Variants in VMA21 observed in about 807,000 individuals in gnomAD.
VMA21 encodes vacuolar ATPase assembly integral membrane protein VMA21.
For missense variants in VMA21, 61 were observed against 80.6 expected, an observed-to-expected ratio of 0.76 and a Z score of 0.93; for synonymous variants, 47 against 34.1, an observed-to-expected ratio of 1.38 and a Z score of -1.32.
At chrX:151,401,624 T>A (rs1343039308) in intron 1 of VMA21, among the ~76,000 whole-genome samples, 1 of 112,372 alleles carries the variant, frequency 8.9e-6, no homozygotes, top group Non-Finnish European at 1.9e-5. Flanking sequence ...TCAACAGTAT[T>A]AATTCTTCCA....
intron 1 of VMA21, among the ~76,000 whole-genome samples, chrX:151,402,142 A>G (rs1447772638): frequency 9.0e-6 from 1 of 111,725 alleles, no homozygotes; most frequent in African/African-American, 3.3e-5. Context: ...CTTTTTCTGC[A>G]TCAACTGAGA....
upstream of VMA21, chrX:151,397,033 G>A (rs753376606): frequency 2.6e-5 from 13 of 500,328 alleles, no homozygotes; most frequent in Non-Finnish European, 4.0e-5. Context: ...CTCCTGGCAG[G>A]GCGCACGCCG....
Position 151,397,263 on chromosome X carries a change from C to A in VMA21, c.-46C>A, listed in dbSNP as rs749578427. On this transcript the variant is annotated 5_prime_UTR_variant, in exon 1 of 3. Coordinates refer to ENST00000330374, the MANE Select transcript of VMA21 (RefSeq NM_001017980.4). ...CGCGGAGCTTACTGAGCGCGGCCGC[C>A]GAGCCCAGCTCCGCCGCCGAGCGCC... is the stretch of plus-strand genomic sequence containing the variant. 3 of 1,145,525 alleles carry A rather than the reference C, an allele frequency of 2.6e-6. No individual in the cohort carries two copies. Among genetic ancestry groups the A allele is most frequent in the Non-Finnish European group, 2.3e-6 (2 of 864,136 alleles). The allele number at this position is 1,145,525 out of a possible 1,213,427, so 94.4% of individuals were successfully genotyped here. A position where few individuals can be genotyped will look rare whatever the true frequency, so the allele number is the denominator to read the frequency against.
intron 1 of VMA21, among the ~76,000 whole-genome samples, chrX:151,397,655 C>T (rs897326532): frequency 8.9e-6 from 1 of 112,857 alleles, no homozygotes; most frequent in Non-Finnish European, 1.9e-5. Context: ...TCTTTCATTA[C>T]CGCAGGGTCA....
chrX:151,402,715 C>T (rs1193750441), intron 1 of VMA21, among the ~76,000 whole-genome samples: 1 of 112,943 alleles, frequency 8.9e-6, no homozygotes, highest in African/African-American at 3.2e-5. Context: ...CTGCCTACCT[C>T]CTTCAGTGGT....
Position 151,397,291 on chromosome X carries a change from T to G in VMA21, c.-18T>G, listed in dbSNP as rs2011200650. Reference sequence around the variant, plus strand: ...GCCCAGCTCCGCCGCCGAGCGCCTGTGCCGGCACGGCTACACCATGGAGCG... The same window carrying G: ...GCCCAGCTCCGCCGCCGAGCGCCTGGGCCGGCACGGCTACACCATGGAGCG... On this transcript the variant is annotated 5_prime_UTR_variant, in exon 1 of 3. Coordinates refer to ENST00000330374, the MANE Select transcript of VMA21 (RefSeq NM_001017980.4). 8.6e-7 allele frequency: 1 copy of G among 1,156,824 alleles called. No individual in the cohort carries two copies. The highest frequency in any genetic ancestry group is 1.8e-5 in the African/African-American group (1 of 56,333).
Position 151,405,508 on chromosome X carries a change from G to A in VMA21, c.*450G>A, listed in dbSNP as rs779324775. 1 of 119,648 alleles carries A rather than the reference G, an allele frequency of 8.4e-6. No homozygotes were observed. The highest frequency in any genetic ancestry group is 2.6e-4 in the East Asian group (1 of 3,832). The allele number at this position is 119,648 out of a possible 1,213,427, so 9.9% of individuals were successfully genotyped here. The stretch of plus-strand genomic sequence containing the variant: ...TTGGGATTTTAATTTCCTATGGAAA[G>A]TTGCTTAAATTGTGGACACTGGAAT... On this transcript the variant is annotated 3_prime_UTR_variant, in exon 3 of 3. Coordinates refer to ENST00000330374, the MANE Select transcript of VMA21 (RefSeq NM_001017980.4).
At chrX:151,402,328 C>T (rs931572832) in intron 1 of VMA21, among the ~76,000 whole-genome samples, 16 of 111,567 alleles carry the variant, frequency 1.4e-4, no homozygotes, top group African/African-American at 4.9e-4. Context: ...ACTATAGGCA[C>T]ACGCCACCAC....
chrX:151,404,954 G>T lies in VMA21; in HGVS notation c.202G>T (p.Ala68Ser), dbSNP rs778349414. The T allele has an allele frequency of 4.1e-6, 5 of 1,209,400 alleles. No homozygotes were observed. In the Admixed American group the frequency reaches 8.7e-5, roughly 21 times the overall value. The change falls in exon 3 of 3, where the codon GCT becomes TCT. Residue 68 changes from alanine to serine, a missense_variant. Ala to Ser is a moderately conservative substitution (Grantham distance 99). Coordinates refer to ENST00000330374, the MANE Select transcript of VMA21 (RefSeq NM_001017980.4). Reference protein sequence around the residue: ...GMSNRDSYFYAAIVAVVAVHV... With the variant: ...GMSNRDSYFYSAIVAVVAVHV... Reference sequence around the variant, plus strand: ...GTCCAATAGGGACAGCTATTTTTACGCTGCTATTGTTGCAGTGGTCGCCGT... The same window carrying T: ...GTCCAATAGGGACAGCTATTTTTACTCTGCTATTGTTGCAGTGGTCGCCGT...
At chrX:151,401,107 G>A (rs770505840) in intron 1 of VMA21, among the ~76,000 whole-genome samples, 1 of 112,019 alleles carries the variant, frequency 8.9e-6, no homozygotes, top group African/African-American at 3.2e-5. Context: ...AATCATTACT[G>A]AGGCCAATGT....
At position 151,407,859 on chromosome X, in the gene VMA21, C is replaced by T. The variant is rs1457047932; in HGVS notation, c.*2801C>T. The T allele has an allele frequency of 9.0e-6, 1 of 111,167 alleles. No individual in the cohort carries two copies. Among genetic ancestry groups the T allele is most frequent in the Non-Finnish European group, 1.9e-5 (1 of 52,993 alleles). 9.2% of individuals were successfully genotyped at this position (111,167 alleles called of 1,213,427 possible). ...GTTTCATGGAAATCTAACAGAAATA[C>T]ATTGTAATAATTAGAACATTTTGTT... On this transcript the variant is annotated 3_prime_UTR_variant, in exon 3 of 3. Transcript: ENST00000330374.
intron 1 of VMA21, among the ~76,000 whole-genome samples, chrX:151,401,170 GT>G (rs1227092079): frequency 9.0e-6 from 1 of 111,666 alleles, no homozygotes; most frequent in Non-Finnish European, 1.9e-5. Flanking sequence ...ATATCTTTAT[GT>G]TTTAGTTATT....
Position 151,409,175 on chromosome X carries a change from T to G in VMA21, c.*4117T>G, listed in dbSNP as rs1012946462. The G allele has an allele frequency of 8.9e-6, 1 of 112,488 alleles. No individual in the cohort carries two copies. Among genetic ancestry groups the G allele is most frequent in the South Asian group, 3.7e-4 (1 of 2,675 alleles). 9.3% of individuals were successfully genotyped at this position (112,488 alleles called of 1,213,427 possible). A position where few individuals can be genotyped will look rare whatever the true frequency, so the allele number is the denominator to read the frequency against. On this transcript the variant is annotated 3_prime_UTR_variant, in exon 3 of 3. Coordinates refer to ENST00000330374, the MANE Select transcript of VMA21 (RefSeq NM_001017980.4). The stretch of plus-strand genomic sequence containing the variant: ...GACTAGGGGGAGGATTTGGATGTGC[T>G]GCATTTCAAGCCGTGTATAATCATC...
rs975957830 is a variant in VMA21 at position 151,405,460 on chromosome X, A to G, written c.*402A>G. The G allele has an allele frequency of 8.0e-6, 1 of 124,516 alleles. No homozygotes were observed. The highest frequency in any genetic ancestry group is 1.7e-5 in the Non-Finnish European group (1 of 60,502). The allele number at this position is 124,516 out of a possible 1,213,427, so 10.3% of individuals were successfully genotyped here. A position where few individuals can be genotyped will look rare whatever the true frequency, so the allele number is the denominator to read the frequency against. ...TTTACGCTGGAATGCTTTCTTTAGC[A>G]TGAAAATACCAGGTCCTTGGATTTG... On this transcript the variant is annotated 3_prime_UTR_variant, in exon 3 of 3. Coordinates refer to ENST00000330374, the MANE Select transcript of VMA21 (RefSeq NM_001017980.4).
rs2011278859 is a variant in VMA21 at position 151,405,289 on chromosome X, T to C, written c.*231T>C. The C allele has an allele frequency of 2.8e-6, 1 of 363,195 alleles. No homozygotes were observed. The highest frequency in any genetic ancestry group is 4.8e-6 in the Non-Finnish European group (1 of 210,283). The allele number at this position is 363,195 out of a possible 1,213,427, so 29.9% of individuals were successfully genotyped here. On this transcript the variant is annotated 3_prime_UTR_variant, in exon 3 of 3. Transcript: ENST00000330374. ...TGGAAAAGTTAGTTACAAAGAAATA[T>C]GTTAATTTAATTAGACAATACTCTG...
In VMA21 at chrX:151,403,697, T is replaced by G. The variant is rs752218271; in HGVS notation, c.120T>G (p.Val40=). The change falls in exon 2 of 3, where the codon GTT becomes GTG. Residue 40 remains valine, a synonymous_variant. Transcript: ENST00000330374. ...LLFFTALMIT[V]PIGLYFTTKS... Reference sequence around the variant, plus strand: ...TCTTCACAGCTTTAATGATCACTGTTCCTATTGGGTTATATTTCACAACTA... The same window carrying G: ...TCTTCACAGCTTTAATGATCACTGTGCCTATTGGGTTATATTTCACAACTA... 8.3e-7 allele frequency: 1 copy of G among 1,209,068 alleles called. No individual in the cohort carries two copies. The highest frequency in any genetic ancestry group is 1.1e-6 in the Non-Finnish European group (1 of 892,956).
At chrX:151,400,335 A>G (rs1426157208) in intron 1 of VMA21, among the ~76,000 whole-genome samples, 2 of 52,505 alleles carry the variant, frequency 3.8e-5, no homozygotes, top group Non-Finnish European at 7.0e-5. Context: ...CGTTTGGCTT[A>G]TTTTACTTAA....
At chrX:151,402,116 G>A (rs867106198) in intron 1 of VMA21, among the ~76,000 whole-genome samples, 7 of 111,392 alleles carry the variant, frequency 6.3e-5, no homozygotes, top group Admixed American at 3.8e-4. Context: ...TAAAGGATGC[G>A]GAAGTTTGTC....
upstream of VMA21, chrX:151,396,897 T>C (rs761184084): frequency 3.8e-6 from 2 of 523,596 alleles, no homozygotes; most frequent in South Asian, 4.9e-5. Context: ...CGAGGACCAG[T>C]GTTCACGCGA....
Sources: gnomAD v4.1 joint callset for allele counts (sites outside exome capture counted in the v4.1 genomes callset) on GRCh38, gnomAD v4.1.1 for gene constraint, MANE v1.5 for transcripts, NCBI Gene and HGNC (gene_info 2026-07-23, HGNC 2026-07-21) for gene names.